Variants in WDR3 observed in about 807,000 individuals in gnomAD.
WDR3 encodes WD repeat-containing protein 3.
Under a neutral mutation model 123.7 loss-of-function variants are expected in WDR3, and 81 were observed. The observed-to-expected ratio is 0.65, with a 90% CI of 0.55 to 0.79. The LOEUF (loss-of-function observed/expected upper bound fraction) is 0.79, where lower values mean the gene tolerates loss of function less well. Among genes scored for constraint, WDR3 ranks in the 30% least tolerant of loss-of-function variants. The pLI is 0.00. For synonymous variants in WDR3, 390 were observed against 388.8 expected, an observed-to-expected ratio of 1.00 and a Z score of -0.04; for missense variants, 1,027 against 1,123.2, an observed-to-expected ratio of 0.91 and a Z score of 1.22.
intron 11 of WDR3, among the ~76,000 whole-genome samples, chr1:117,945,042 A>G (rs935072396): frequency 6.6e-6 from 1 of 152,102 alleles, no homozygotes; most frequent in Non-Finnish European, 1.5e-5. Flanking sequence ...AGCAAATCCT[A>G]TCAGCTCTAC....
At position 117,964,697 on chromosome 1, in the gene WDR3, C is replaced by A. The variant is rs971171183; in HGVS notation, c.*5250C>A. On this transcript the variant is annotated 3_prime_UTR_variant, in exon 27 of 27. Coordinates refer to ENST00000349139, the MANE Select transcript of WDR3 (RefSeq NM_006784.3). ...TTTACTTACTTTATGTATTGTCTGTCCTCCCACTGGAATGTAAGCTACATA... is the reference window on the plus strand; with the variant it reads ...TTTACTTACTTTATGTATTGTCTGTACTCCCACTGGAATGTAAGCTACATA... The A allele has an allele frequency of 6.6e-6, 1 of 152,170 alleles. No homozygotes were observed. Among genetic ancestry groups the A allele is most frequent in the Non-Finnish European group, 1.5e-5 (1 of 68,010 alleles). The allele number at this position is 152,170 out of a possible 1,614,324, so 9.4% of individuals were successfully genotyped here. A position where few individuals can be genotyped will look rare whatever the true frequency, so the allele number is the denominator to read the frequency against.
intron 25 of WDR3, among the ~76,000 whole-genome samples, chr1:117,958,599 C>CT (rs1652560343): frequency 6.6e-6 from 1 of 152,142 alleles, no homozygotes; most frequent in African/African-American, 2.4e-5. Flanking sequence ...CTCATTCTGT[C>CT]TTTGAGTTTT....
At chr1:117,934,403 G>A (rs1650843862) in intron 2 of WDR3, 70 bp from the exon 3 acceptor site, 1 of 1,464,132 alleles carries the variant, frequency 6.8e-7, no homozygotes, top group African/African-American at 1.4e-5. Context: ...CTGTGCCTGA[G>A]TATTCCTATG....
At position 117,938,552 on chromosome 1, in the gene WDR3, G is replaced by A. The variant is rs1236992148; in HGVS notation, c.573G>A (p.Arg191=). 2.5e-6 allele frequency: 4 copies of A among 1,613,034 alleles called. No individual in the cohort carries two copies. The African/African-American group carries it at 5.3e-5, about 22-fold the overall frequency. The change falls in exon 5 of 27, where the codon CGG becomes CGA. Residue 191 remains arginine (R), a synonymous_variant. Coordinates refer to ENST00000349139, the MANE Select transcript of WDR3 (RefSeq NM_006784.3). The part of the protein sequence containing the change: ...QHCFKTMVGH[R]TEVWGLVLLS... ...GCTTTAAAACAATGGTTGGCCACCGGACTGAGGTAAGTGTAGGGTCATGGG... is the reference window on the plus strand; with the variant it reads ...GCTTTAAAACAATGGTTGGCCACCGAACTGAGGTAAGTGTAGGGTCATGGG...
chr1:117,956,009 C>T (rs1458328965), intron 24 of WDR3, among the ~76,000 whole-genome samples: 2 of 152,130 alleles, frequency 1.3e-5, no homozygotes, highest in African/African-American at 4.8e-5. Flanking sequence ...TGATTTTTAG[C>T]AGGCTTTAAA....
intron 3 of WDR3, 150 bp downstream of exon 3, chr1:117,934,832 T>C (rs887261950): frequency 1.4e-5 from 11 of 762,702 alleles, no homozygotes; most frequent in Admixed American, 1.2e-4. Flanking sequence ...TGGGTGTGAA[T>C]TGGGTGGTTC....
At position 117,955,324 on chromosome 1, in the gene WDR3, T is replaced by C. The variant is rs368296787; in HGVS notation, c.2419T>C (p.Tyr807His). 11 of 1,612,164 alleles carry C rather than the reference T, an allele frequency of 6.8e-6. No homozygotes were observed. The African/African-American group carries it at 1.5e-4, about 22-fold the overall frequency. Residue 807 changes from tyrosine (Y) to histidine (H), a missense_variant, in exon 24 of 27, where the codon TAT becomes CAT. By Grantham distance (83) the Tyr-to-His change is moderately conservative (BLOSUM62 2). Coordinates refer to ENST00000349139, the MANE Select transcript of WDR3 (RefSeq NM_006784.3). The stretch of plus-strand genomic sequence containing the variant: ...AATCCTTCCTTTATAGCCTTCAGCT[T>C]ATGTATTAGAGATTTTTAAAGGGAT... Reference protein sequence around the residue: ...MAYGSISPSAYVLEIFKGIKS... With the variant: ...MAYGSISPSAHVLEIFKGIKS...
At chr1:117,954,653 CTTTG>C (rs1481312881) in intron 23 of WDR3, 26 bp downstream of exon 23, 4 of 1,605,700 alleles carry the variant, frequency 2.5e-6, no homozygotes, top group South Asian at 2.2e-5. Context: ...AACGGTTTTC[CTTTG>C]TTTATTAAAA....
intron 2 of WDR3, 137 bp from the exon 3 acceptor site, chr1:117,934,336 T>G: frequency 1.3e-6 from 1 of 761,036 alleles, no homozygotes; most frequent in Non-Finnish European, 2.1e-6. Flanking sequence ...AAATGGATTG[T>G]GGAGTTTCAT....
chr1:117,930,387 G>A (rs1335642286), intron 1 of WDR3, among the ~76,000 whole-genome samples: 4 of 152,262 alleles, frequency 2.6e-5, no homozygotes, highest in African/African-American at 9.6e-5. Flanking sequence ...AGAAGTAGAG[G>A]AGAACATGGA....
rs1651203414 is a variant in WDR3 at position 117,942,435 on chromosome 1, A to G, written c.990-2A>G. On this transcript the variant is annotated splice_acceptor_variant, in intron 9 of 26. Transcript: ENST00000349139. LOFTEE classifies it high-confidence loss of function. ...ATGATATACTTTTCTTCTTCCCTCT[A>G]GATTACATTCTAGCAAAGGAGAGGA... is the stretch of plus-strand genomic sequence containing the variant. 9 of 1,612,726 alleles carry G rather than the reference A, an allele frequency of 5.6e-6. No individual in the cohort carries two copies. In the East Asian group the frequency reaches 1.1e-4, roughly 20 times the overall value.
Position 117,936,901 on chromosome 1 carries a change from G to A in WDR3, c.500+14G>A. ...GCTAGTTACTAGGTAAAGAAATAAT[G>A]GTTTAATTTCCAGTTATTTTCTAGG... On this transcript the variant is annotated intron_variant, in intron 4 of 26. Transcript: ENST00000349139. The A allele has an allele frequency of 1.3e-6, 2 of 1,594,830 alleles. No homozygotes were observed. Among genetic ancestry groups the A allele is most frequent in the Non-Finnish European group, 8.6e-7 (1 of 1,166,306 alleles).
At chr1:117,948,639 T>G in intron 13 of WDR3, 133 bp downstream of exon 13, 4 of 509,742 alleles carry the variant, frequency 7.8e-6, no homozygotes. Flanking sequence ...ATATGATGCC[T>G]TCTTATAAAT....
chr1:117,952,868 C>G, intron 19 of WDR3, 78 bp from the exon 20 acceptor site: 1 of 1,544,334 alleles, frequency 6.5e-7, no homozygotes, highest in Non-Finnish European at 8.9e-7. Context: ...AAAGGAGCAG[C>G]TTCTCGCTTC....
chr1:117,939,450 T>A (rs1651064384), intron 5 of WDR3, 27 bp from the exon 6 acceptor site: 1 of 1,607,814 alleles, frequency 6.2e-7, no homozygotes, highest in Non-Finnish European at 8.5e-7. Flanking sequence ...GAAAATCGTA[T>A]TACTCAAATC....
chr1:117,940,812 A>G lies in WDR3; in HGVS notation c.676-15A>G. ...ATACTATTTCAGCTTTTATTTTCTC[A>G]TTTTTATAAAACAGATTGAAGACCC... is the stretch of plus-strand genomic sequence containing the variant. On this transcript the variant is annotated splice_polypyrimidine_tract_variant and intron_variant, in intron 6 of 26. Coordinates refer to ENST00000349139, the MANE Select transcript of WDR3 (RefSeq NM_006784.3). 1 of 1,589,964 alleles carries G rather than the reference A, an allele frequency of 6.3e-7. No individual in the cohort carries two copies. The highest frequency in any genetic ancestry group is 8.6e-7 in the Non-Finnish European group (1 of 1,168,828).
At chr1:117,940,763 C>T in intron 6 of WDR3, 64 bp from the exon 7 acceptor site, 1 of 1,411,652 alleles carries the variant, frequency 7.1e-7, no homozygotes, top group Non-Finnish European at 9.8e-7. Flanking sequence ...ACAACAACAA[C>T]AACAACAACA....
In WDR3 at chr1:117,952,550, G is replaced by A; in HGVS notation, c.2039G>A (p.Cys680Tyr). ...CAGGGTCATCACCAGGAAATATGGT[G>A]TTTGGCTGTAAGCCCCAGTGGAGAC... The part of the protein sequence containing the change: ...TLEGHHQEIW[C>Y]LAVSPSGDYV... The change falls in exon 19 of 27, where the codon TGT becomes TAT. Residue 680 changes from cysteine (C) to tyrosine (Y), a missense_variant. Coordinates refer to ENST00000349139, the MANE Select transcript of WDR3 (RefSeq NM_006784.3). 6.2e-7 allele frequency: 1 copy of A among 1,612,442 alleles called. No individual in the cohort carries two copies.
At chr1:117,945,545 C>T (rs1294563543) in intron 11 of WDR3, among the ~76,000 whole-genome samples, 1 of 152,148 alleles carries the variant, frequency 6.6e-6, no homozygotes, top group Non-Finnish European at 1.5e-5. Flanking sequence ...ACCTGATATA[C>T]CAAATATTTA....
Sources: gnomAD v4.1 joint callset for allele counts (sites outside exome capture counted in the v4.1 genomes callset) on GRCh38, gnomAD v4.1.1 for gene constraint, MANE v1.5 for transcripts, NCBI Gene and HGNC (gene_info 2026-07-23, HGNC 2026-07-21) for gene names.